ASIC2: variants seen among roughly 807,000 people sequenced by gnomAD.
The protein encoded by ASIC2 is acid sensing ion channel subunit 2, also known as acid-sensing ion channel 2.
ASIC2 carries 25 observed loss-of-function variants against 57.3 expected under a neutral mutation model. The ratio of observed to expected loss-of-function variants is 0.44; its 90% confidence interval spans 0.32 to 0.61. The LOEUF is 0.61. ASIC2 is among the 20% of genes least tolerant of loss of function. The pLI, the probability that ASIC2 is intolerant of heterozygous loss-of-function variation, is 0.06. For synonymous variants in ASIC2, 319 were observed against 307.5 expected (o/e 1.04, Z -0.39); for missense variants, 641 against 738.1 (o/e 0.87, Z 1.52).
intron 1 of ASIC2, among the ~76,000 whole-genome samples, chr17:33,920,611 C>T (rs1022852369): frequency 6.6e-6 from 1 of 152,176 alleles, no homozygotes; most frequent in African/African-American, 2.4e-5. Flanking sequence ...GGGTACTATG[C>T]TCACTACCTG....
intron 1 of ASIC2, among the ~76,000 whole-genome samples, chr17:33,998,569 T>C (rs1246133249): frequency 6.6e-6 from 1 of 152,136 alleles, no homozygotes; most frequent in Non-Finnish European, 1.5e-5. Context: ...ATGTTGTGTT[T>C]TCATTTTCAT....
intron 1 of ASIC2, among the ~76,000 whole-genome samples, chr17:33,578,551 A>C (rs1916721221): frequency 6.6e-6 from 1 of 152,224 alleles, no homozygotes. Context: ...AGGGACACCA[A>C]GAAAAAAGTT....
chr17:33,311,522 G>A (rs1285601485), intron 1 of ASIC2, among the ~76,000 whole-genome samples: 1 of 151,996 alleles, frequency 6.6e-6, no homozygotes, highest in Non-Finnish European at 1.5e-5. Context: ...AGTTTCTTCT[G>A]AGCATATATT....
At chr17:33,758,240 T>C (rs1269450183) in intron 1 of ASIC2, among the ~76,000 whole-genome samples, 1 of 152,186 alleles carries the variant, frequency 6.6e-6, no homozygotes, top group African/African-American at 2.4e-5. Context: ...TGATACCAAT[T>C]CTTAACATTA....
chr17:33,063,643 G>C (rs2092030209), intron 3 of ASIC2, among the ~76,000 whole-genome samples: 1 of 152,098 alleles, frequency 6.6e-6, no homozygotes, highest in South Asian at 2.1e-4. Context: ...ATGTGTCTTG[G>C]AGTTGCTCTT....
intron 1 of ASIC2, chr17:33,291,201 G>A (rs759803249): frequency 4.2e-5 from 48 of 1,137,854 alleles, no homozygotes; most frequent in Non-Finnish European, 5.0e-5. Flanking sequence ...CCACTGGTGG[G>A]AGGCGACTCC....
chr17:33,360,914 C>T (rs1044665834), intron 1 of ASIC2, among the ~76,000 whole-genome samples: 1 of 152,204 alleles, frequency 6.6e-6, no homozygotes, highest in Non-Finnish European at 1.5e-5. Flanking sequence ...GGACCTCCCA[C>T]TGCAGAACCT....
chr17:33,317,559 C>G (rs1194354964), intron 1 of ASIC2, among the ~76,000 whole-genome samples: 1 of 152,162 alleles, frequency 6.6e-6, no homozygotes, highest in African/African-American at 2.4e-5. Flanking sequence ...TCCTTTCCAC[C>G]CAAATGACTT....
intron 2 of ASIC2, among the ~76,000 whole-genome samples, chr17:33,093,038 C>T (rs775375112): frequency 5.3e-5 from 8 of 152,150 alleles, no homozygotes; most frequent in East Asian, 1.9e-4. Context: ...GCAGGTGGGG[C>T]TGCACACACA....
intron 3 of ASIC2, among the ~76,000 whole-genome samples, chr17:33,029,119 C>T (rs1452946563): frequency 1.3e-5 from 2 of 152,144 alleles, no homozygotes; most frequent in Non-Finnish European, 2.9e-5. Flanking sequence ...CCTTTATATC[C>T]ATTTTTCAAG....
chr17:33,707,701 T>A (rs1028181830), intron 1 of ASIC2, among the ~76,000 whole-genome samples: 2 of 152,228 alleles, frequency 1.3e-5, no homozygotes, highest in Non-Finnish European at 2.9e-5. Context: ...CTTTACTCTG[T>A]TTATCTGCCT....
At chr17:33,313,268 A>G (rs1228193215) in intron 1 of ASIC2, among the ~76,000 whole-genome samples, 2 of 151,752 alleles carry the variant, frequency 1.3e-5, no homozygotes, top group African/African-American at 4.8e-5. Context: ...TTGTGGTTTC[A>G]GTGAGCTATG....
In ASIC2 at chr17:34,156,065, G is replaced by T. The variant is rs1046043534; in HGVS notation, c.468C>A (p.Phe156Leu). The change falls in exon 1 of 10, where the codon TTC becomes TTA. Residue 156 changes from phenylalanine (F) to leucine (L), a missense_variant. Coordinates refer to the ASIC2 transcript ENST00000359872. This position sits in a 1 kb window ranked among gnomAD's most constrained non-coding sequence, Gnocchi z 4.4. Reference sequence around the variant, plus strand: ...TCAGGTCATGGCCCACACGGTGCAGGAACTCCAGCATGCTGAACTGCTTGG... The same window carrying T: ...TCAGGTCATGGCCCACACGGTGCAGTAACTCCAGCATGCTGAACTGCTTGG... The T allele has an allele frequency of 1.9e-6, 3 of 1,614,062 alleles. No individual in the cohort carries two copies. The highest frequency in any genetic ancestry group is 2.5e-6 in the Non-Finnish European group (3 of 1,180,034).
chr17:33,981,169 C>G (rs1165147270), intron 1 of ASIC2, among the ~76,000 whole-genome samples: 2 of 151,938 alleles, frequency 1.3e-5, no homozygotes, highest in Non-Finnish European at 2.9e-5. Context: ...CCAGGATGAT[C>G]TCCATCTCCT....
chr17:33,959,423 C>T (rs1056063705), intron 1 of ASIC2, among the ~76,000 whole-genome samples: 9 of 152,188 alleles, frequency 5.9e-5, no homozygotes, highest in African/African-American at 2.2e-4. Context: ...CTCAGACAAT[C>T]ACAAGGTGAA....
At chr17:33,086,255 C>G (rs2092133516) in intron 3 of ASIC2, among the ~76,000 whole-genome samples, 2 of 152,152 alleles carry the variant, frequency 1.3e-5, no homozygotes, top group Admixed American at 6.5e-5. Flanking sequence ...TCCTCTCCAC[C>G]CCTTACTAGT....
intron 1 of ASIC2, among the ~76,000 whole-genome samples, chr17:33,559,973 C>G (rs752865173): frequency 3.9e-5 from 6 of 152,188 alleles, no homozygotes; most frequent in Non-Finnish European, 8.8e-5. Flanking sequence ...AGGATGCTGA[C>G]TACAAATTAC....
chr17:33,675,447 A>G (rs1360799013), intron 1 of ASIC2, among the ~76,000 whole-genome samples: 2 of 152,244 alleles, frequency 1.3e-5, no homozygotes, highest in African/African-American at 4.8e-5. Flanking sequence ...CATGAGCTTA[A>G]GCAGAGTTTG....
At chr17:33,528,280 A>G (rs1914948112) in intron 1 of ASIC2, among the ~76,000 whole-genome samples, 1 of 150,700 alleles carries the variant, frequency 6.6e-6, no homozygotes, top group Non-Finnish European at 1.5e-5. Context: ...GCTTGGGGCC[A>G]TCACATGGGC....
Sources: allele counts gnomAD v4.1 joint callset (sites outside exome capture counted in the v4.1 genomes callset), GRCh38; gene constraint gnomAD v4.1.1; non-coding constraint Gnocchi (gnomAD v3.1); transcripts MANE v1.5; gene names NCBI Gene and HGNC (gene_info 2026-07-23, HGNC 2026-07-21).